TJP1: variants seen among roughly 807,000 people sequenced by gnomAD.
TJP1 encodes the protein tight junction protein 1.
Under a neutral mutation model 194.2 loss-of-function variants are expected in TJP1, and 43 were observed. The ratio of observed to expected loss-of-function variants is 0.22; its 90% CI spans 0.17 to 0.29. The LOEUF (loss-of-function observed/expected upper bound fraction) is 0.29. Among genes scored for constraint, TJP1 ranks in the 10% least tolerant of loss-of-function variants. TJP1 has a pLI of 1.00. For missense variants in TJP1, 1,971 were observed against 2,185.7 expected, an observed-to-expected ratio of 0.90 and a Z score of 1.96; for synonymous variants, 801 against 779.0, an observed-to-expected ratio of 1.03 and a Z score of -0.47.
chr15:29,860,429 C>T (rs962391216), intron 2 of TJP1, among the ~76,000 whole-genome samples: 3 of 152,136 alleles, frequency 2.0e-5, no homozygotes, highest in South Asian at 2.1e-4. Context: ...CTAGGATCAC[C>T]CCCTCAACTC....
rs1244149201 is a variant in TJP1 at position 29,821,882 on chromosome 15, C to A, written c.27+120G>T. On this transcript the variant is annotated intron_variant, in intron 1 of 27. Coordinates refer to ENST00000614355, the MANE Select transcript of TJP1 (RefSeq NM_001330239.4). Reference sequence around the variant, plus strand: ...CGCGGCCCCGCGCCAGCCCTGCCCACCCCGCCGCCCCGGGGCCCAGACAGC... The same window carrying A: ...CGCGGCCCCGCGCCAGCCCTGCCCAACCCGCCGCCCCGGGGCCCAGACAGC... 1.2e-5 allele frequency: 12 copies of A among 979,552 alleles called. No individual in the cohort carries two copies. In the African/African-American group the frequency reaches 1.6e-4, roughly 13 times the overall value. 60.7% of individuals were successfully genotyped at this position (979,552 alleles called of 1,614,324 possible). A position where few individuals can be genotyped will look rare whatever the true frequency, so the allele number is the denominator to read the frequency against.
chr15:29,815,584 G>C (rs577149024), intron 1 of TJP1, among the ~76,000 whole-genome samples: 6 of 152,246 alleles, frequency 3.9e-5, no homozygotes, highest in Non-Finnish European at 8.8e-5. Context: ...GGCCTGAAAT[G>C]AGCAATGACT....
At chr15:29,903,890 A>G (rs1215100596) in intron 2 of TJP1, among the ~76,000 whole-genome samples, 1 of 152,230 alleles carries the variant, frequency 6.6e-6, no homozygotes, top group African/African-American at 2.4e-5. Context: ...AAAAATCCAA[A>G]TAAAGACGTA....
chr15:29,886,796 T>G (rs2053129484), intron 2 of TJP1, among the ~76,000 whole-genome samples: 1 of 151,616 alleles, frequency 6.6e-6, no homozygotes, highest in African/African-American at 2.4e-5. Flanking sequence ...AAAAGTAAGA[T>G]TTGGATAAAT....
intron 2 of TJP1, among the ~76,000 whole-genome samples, chr15:29,884,249 A>C (rs145072462): frequency 1.3e-5 from 2 of 152,316 alleles, no homozygotes; most frequent in African/African-American, 4.8e-5. Flanking sequence ...GAGAAACCTT[A>C]GAGATCATCT....
At chr15:29,768,268 T>C (rs1199243470) in intron 4 of TJP1, among the ~76,000 whole-genome samples, 3 of 152,220 alleles carry the variant, frequency 2.0e-5, no homozygotes, top group Non-Finnish European at 4.4e-5. Context: ...TGCCCTGTTA[T>C]GAACTGAAAG....
chr15:29,906,455 G>A (rs557159691), intron 2 of TJP1, among the ~76,000 whole-genome samples: 2 of 110,950 alleles, frequency 1.8e-5, no homozygotes, highest in African/African-American at 3.5e-5. Flanking sequence ...GCGATAGAGC[G>A]AGACTCCGTC....
At chr15:29,928,951 C>A (rs1207824890) in intron 2 of TJP1, among the ~76,000 whole-genome samples, 1 of 151,462 alleles carries the variant, frequency 6.6e-6, no homozygotes, top group African/African-American at 2.4e-5. Flanking sequence ...CAAAAAAAAA[C>A]CAAAACAAAA....
intron 1 of TJP1, among the ~76,000 whole-genome samples, chr15:29,818,470 G>A (rs1305895250): frequency 6.6e-6 from 1 of 152,140 alleles, no homozygotes; most frequent in African/African-American, 2.4e-5. Flanking sequence ...GACTGCGAAC[G>A]CAGACGTTTA....
At chr15:29,721,167 A>G (rs2042906966) in intron 18 of TJP1, among the ~76,000 whole-genome samples, 1 of 152,248 alleles carries the variant, frequency 6.6e-6, no homozygotes, top group Admixed American at 6.5e-5. Context: ...AAGAGCTAAT[A>G]TATTTATGTT....
chr15:29,723,797 G>A (rs540030654), intron 18 of TJP1, among the ~76,000 whole-genome samples: 7 of 152,282 alleles, frequency 4.6e-5, no homozygotes, highest in African/African-American at 1.4e-4. Flanking sequence ...CTTCTGAGTA[G>A]ATCAGAAAGA....
intron 9 of TJP1, 119 bp downstream of exon 9, chr15:29,742,523 C>A: frequency 5.0e-6 from 6 of 1,204,212 alleles, no homozygotes; most frequent in Non-Finnish European, 6.6e-6. Flanking sequence ...AAGTCATATG[C>A]AGACAAATTC....
rs12440211 is a variant in TJP1, at chr15:29,781,488, G to C, written c.85-8131C>G. 6.0e-3 allele frequency among the ~76,000 whole-genome samples: 911 copies of C among 152,148 alleles called. 7 individuals carry two copies. The highest frequency in any genetic ancestry group is 0.011 in the Non-Finnish European group (740 of 68,008). On this transcript the variant is annotated intron_variant, in intron 2 of 27. Coordinates refer to ENST00000614355, the MANE Select transcript of TJP1 (RefSeq NM_001330239.4). Reference sequence around the variant, plus strand: ...TTCTATGAGGTCAGCATCATCCTGAGACCAAAACCTGGCAAAGACACAAAA... The same window carrying C: ...TTCTATGAGGTCAGCATCATCCTGACACCAAAACCTGGCAAAGACACAAAA...
At chr15:29,902,900 G>A (rs576593479) in intron 2 of TJP1, among the ~76,000 whole-genome samples, 6 of 152,134 alleles carry the variant, frequency 3.9e-5, no homozygotes, top group African/African-American at 4.8e-5. Context: ...CAGGCGTGGC[G>A]GCGGGCGCCT....
At chr15:29,854,587 C>A (rs577468140) in intron 2 of TJP1, among the ~76,000 whole-genome samples, 55 of 152,284 alleles carry the variant, frequency 3.6e-4, no homozygotes, top group African/African-American at 1.3e-3. Flanking sequence ...GGCTCTCCCT[C>A]AGGGCGTGTG....
At chr15:29,807,462 T>C (rs1043310017) in intron 1 of TJP1, among the ~76,000 whole-genome samples, 1 of 152,180 alleles carries the variant, frequency 6.6e-6, no homozygotes, top group African/African-American at 2.4e-5. Flanking sequence ...TGAAGATAGA[T>C]ACAAAGATCT....
intron 2 of TJP1, among the ~76,000 whole-genome samples, chr15:29,890,815 T>C (rs1397088895): frequency 1.4e-5 from 2 of 139,158 alleles, no homozygotes; most frequent in East Asian, 4.1e-4. Context: ...AAAAAAAAAA[T>C]AGAATCATCA....
At position 29,753,509 on chromosome 15, in the gene TJP1, A is replaced by G. The variant is rs925323096; in HGVS notation, c.1010+7630T>C. Among the ~76,000 whole-genome samples the G allele has an allele frequency of 1.0e-4, 15 of 144,980 alleles. No individual in the cohort carries two copies. In the Admixed American group the frequency reaches 1.0e-3, roughly 10 times the overall value. ...AAAAAAAAAAAAAAAAAAAAAAAAA[A>G]GATTGCTCAGGATATTTATCGCCAT... On this transcript the variant is annotated intron_variant, in intron 8 of 27. Coordinates refer to ENST00000614355, the MANE Select transcript of TJP1 (RefSeq NM_001330239.4).
At chr15:29,918,302 T>C (rs561732055) in intron 2 of TJP1, among the ~76,000 whole-genome samples, 1 of 152,348 alleles carries the variant, frequency 6.6e-6, no homozygotes, top group South Asian at 2.1e-4. Flanking sequence ...GGTGTACAAA[T>C]ACATCTTTAT....
Sources: gnomAD v4.1 joint callset for allele counts (sites outside exome capture counted in the v4.1 genomes callset) on GRCh38, gnomAD v4.1.1 for gene constraint, MANE v1.5 for transcripts, NCBI Gene and HGNC (gene_info 2026-07-23, HGNC 2026-07-21) for gene names.